PHYHIPL: variants seen among roughly 807,000 people sequenced by gnomAD.
PHYHIPL encodes the protein phytanoyl-CoA 2-hydroxylase interacting protein like.
A neutral mutation model predicts 33.4 loss-of-function variants in PHYHIPL; 9 were observed. That is an observed-to-expected ratio of 0.27 (90% CI 0.16 to 0.47). PHYHIPL has a LOEUF of 0.47. PHYHIPL is among the 20% of genes least tolerant of loss of function. The pLI is 0.99. For missense variants in PHYHIPL, 365 were observed against 460.7 expected, an observed-to-expected ratio of 0.79 and a Z score of 1.90; for synonymous variants, 153 against 154.1, an observed-to-expected ratio of 0.99 and a Z score of 0.05.
intron 1 of PHYHIPL, among the ~76,000 whole-genome samples, chr10:59,210,413 A>C (rs1324300737): frequency 6.6e-6 from 1 of 152,246 alleles, no homozygotes; most frequent in African/African-American, 2.4e-5. Flanking sequence ...GATCATTAAA[A>C]AGTCAGGAAA....
At chr10:59,204,902 T>C (rs2133226429) in intron 1 of PHYHIPL, among the ~76,000 whole-genome samples, 1 of 151,282 alleles carries the variant, frequency 6.6e-6, no homozygotes, top group East Asian at 2.0e-4. Flanking sequence ...TTCGCTCTTA[T>C]TGCTCTGGCT....
intron 1 of PHYHIPL, among the ~76,000 whole-genome samples, chr10:59,233,375 G>A (rs1840133834): frequency 6.6e-6 from 1 of 151,726 alleles, no homozygotes; most frequent in African/African-American, 2.4e-5. Flanking sequence ...ATTATGTTAA[G>A]GAACGAGTTA....
intron 1 of PHYHIPL, among the ~76,000 whole-genome samples, chr10:59,222,812 G>A (rs1839817003): frequency 6.6e-6 from 1 of 152,078 alleles, no homozygotes; most frequent in Non-Finnish European, 1.5e-5. Context: ...TTAGACCAAG[G>A]ATAGAGTGAA....
At chr10:59,182,534 G>A (rs1250719304) in intron 1 of PHYHIPL, among the ~76,000 whole-genome samples, 1 of 151,978 alleles carries the variant, frequency 6.6e-6, no homozygotes, top group Non-Finnish European at 1.5e-5. Context: ...GTAGAGATGG[G>A]GTTTCACCAT....
chr10:59,177,362 C>A (rs951833848), intron 1 of PHYHIPL: 23 of 1,058,072 alleles, frequency 2.2e-5, no homozygotes, highest in Non-Finnish European at 3.0e-5. Context: ...TCCCCCAACA[C>A]ACACACACTA....
At chr10:59,223,963 T>C (rs759020476) in intron 1 of PHYHIPL, among the ~76,000 whole-genome samples, 5 of 152,172 alleles carry the variant, frequency 3.3e-5, no homozygotes, top group Non-Finnish European at 7.4e-5. Flanking sequence ...CCCAGCCCAA[T>C]TGCCCTTTTT....
chr10:59,177,350 C>A, intron 1 of PHYHIPL: 1 of 934,954 alleles, frequency 1.1e-6, no homozygotes, highest in African/African-American at 1.7e-5. Flanking sequence ...TAGCAACCCC[C>A]TTCCCCCAAC....
chr10:59,236,308 A>G (rs1400470114), intron 2 of PHYHIPL, among the ~76,000 whole-genome samples, 175 bp from the exon 3 acceptor site: 1 of 151,622 alleles, frequency 6.6e-6, no homozygotes, highest in South Asian at 2.1e-4. Context: ...TTAAAGTTAT[A>G]CTACTAAATT....
chr10:59,205,006 A>T (rs1041043226), intron 1 of PHYHIPL, among the ~76,000 whole-genome samples: 3 of 151,804 alleles, frequency 2.0e-5, no homozygotes, highest in African/African-American at 7.3e-5. Flanking sequence ...CTGGGATTAC[A>T]GGCACCTATC....
chr10:59,198,119 A>G (rs1025644691), intron 1 of PHYHIPL, among the ~76,000 whole-genome samples: 7 of 152,044 alleles, frequency 4.6e-5, no homozygotes, highest in African/African-American at 1.7e-4. Flanking sequence ...TTTCTTACAT[A>G]TGTATACATG....
intron 1 of PHYHIPL, among the ~76,000 whole-genome samples, chr10:59,209,937 A>T (rs907186662): frequency 6.6e-6 from 1 of 152,226 alleles, no homozygotes; most frequent in Non-Finnish European, 1.5e-5. Context: ...CTCAAGATGG[A>T]TTAAAGACTT....
At chr10:59,175,125 A>C (rs1156745649), upstream of PHYHIPL, among the ~76,000 whole-genome samples, 1 of 152,216 alleles carries the variant, frequency 6.6e-6, no homozygotes, top group African/African-American at 2.4e-5. Context: ...CAGAAAATTC[A>C]CCAGTAAGTA....
At chr10:59,240,577 T>C (rs1470839332) in intron 4 of PHYHIPL, among the ~76,000 whole-genome samples, 1 of 151,908 alleles carries the variant, frequency 6.6e-6, no homozygotes, top group East Asian at 1.9e-4. Context: ...CACACCATCA[T>C]AAAGTCAAAC....
chr10:59,188,892 C>T (rs908326814), intron 1 of PHYHIPL, among the ~76,000 whole-genome samples: 1 of 152,048 alleles, frequency 6.6e-6, no homozygotes, highest in African/African-American at 2.4e-5. Context: ...CTGAATACAG[C>T]ACACTGACAG....
At chr10:59,220,573 G>T (rs1042224383) in intron 1 of PHYHIPL, among the ~76,000 whole-genome samples, 3 of 152,104 alleles carry the variant, frequency 2.0e-5, no homozygotes, top group Non-Finnish European at 4.4e-5. Context: ...AAAGGTGCTA[G>T]CCTTAAGTTT....
At chr10:59,174,488 C>T (rs1004042934), upstream of PHYHIPL, among the ~76,000 whole-genome samples, 2 of 151,946 alleles carry the variant, frequency 1.3e-5, no homozygotes, top group Admixed American at 6.6e-5. Context: ...CCTAAAAACT[C>T]GATTTAAAAA....
chr10:59,234,398 G>A lies in PHYHIPL; in HGVS notation c.201G>A (p.Lys67=). 1 of 1,603,680 alleles carries A rather than the reference G, an allele frequency of 6.2e-7. No individual in the cohort carries two copies. Among genetic ancestry groups the A allele is most frequent in the Non-Finnish European group, 8.5e-7 (1 of 1,176,304 alleles). Residue 67 remains lysine, a synonymous_variant, in exon 2 of 5, where the codon AAG becomes AAA. Coordinates refer to ENST00000373880, the MANE Select transcript of PHYHIPL (RefSeq NM_032439.4). ...GCAATATAACGTGTGACTCATTCAA[G>A]ATTTCATGGGAAATGGATTCAAAAT... ...KISNITCDSF[K]ISWEMDSKSK...
intron 1 of PHYHIPL, among the ~76,000 whole-genome samples, chr10:59,199,147 A>G (rs1839018766): frequency 6.6e-6 from 1 of 152,116 alleles, no homozygotes. Context: ...TATGTCCTGA[A>G]TGGTATTGCC....
intron 1 of PHYHIPL, among the ~76,000 whole-genome samples, chr10:59,231,340 T>C (rs957225550): frequency 1.3e-5 from 2 of 152,014 alleles, no homozygotes; most frequent in African/African-American, 4.8e-5. Flanking sequence ...AACTGTTTGC[T>C]CTATAAAAGA....
Sources: allele counts gnomAD v4.1 joint callset (sites outside exome capture counted in the v4.1 genomes callset), GRCh38; gene constraint gnomAD v4.1.1; transcripts MANE v1.5; gene names NCBI Gene and HGNC (gene_info 2026-07-23, HGNC 2026-07-21).